Variants in TNK2 observed in about 807,000 individuals in gnomAD.
TNK2 encodes the protein activated CDC42 kinase 1.
In TNK2, 83 loss-of-function variants were observed where a neutral mutation model predicts 101.8. The ratio of observed to expected loss-of-function variants is 0.82; its 90% CI spans 0.68 to 0.98. TNK2 has a LOEUF of 0.98. Among genes scored for constraint, TNK2 ranks in the 50% least tolerant of loss-of-function variants. TNK2 has a pLI of 0.00. For missense variants in TNK2, 1,665 were observed against 1,483.2 expected (o/e 1.12, Z -2.01); for synonymous variants, 804 against 633.0 (o/e 1.27, Z -4.06).
In TNK2 at chr3:195,868,374, G is replaced by A. The variant is rs772225522; in HGVS notation, c.1924C>T (p.Arg642Cys). Residue 642 changes from arginine to cysteine, a missense_variant, in exon 13 of 16, where the codon CGC becomes TGC. This residue lies in a region of TNK2 where 1,136 missense variants were observed against 894.9 expected (regional missense o/e 1.27). Coordinates refer to ENST00000672887, the MANE Select transcript of TNK2 (RefSeq NM_001382273.1). ...TAGGCGGGCGGGGGGGGCAGCGGGC[G>A]TGCGTCCCAGTCCACCACAGGCGTG... ...HPTPVVDWDA[R>C]PLPPPPAYDD... 2.1e-5 allele frequency: 34 copies of A among 1,593,878 alleles called. No individual in the cohort carries two copies. Among genetic ancestry groups the A allele is most frequent in the South Asian group, 3.3e-5 (3 of 89,974 alleles).
chr3:195,891,878 CT>C (rs1394438114), intron 1 of TNK2: 5 of 979,462 alleles, frequency 5.1e-6, no homozygotes, highest in Non-Finnish European at 4.9e-6. Flanking sequence ...ACAGCCCGGC[CT>C]GTTCCCTCTC....
At chr3:195,873,189 G>C (rs1172462851) in intron 9 of TNK2, among the ~76,000 whole-genome samples, 1 of 152,216 alleles carries the variant, frequency 6.6e-6, no homozygotes, top group Non-Finnish European at 1.5e-5. Context: ...CTCCCACAGT[G>C]ACCAGACAGT....
chr3:195,883,943 G>A (rs1754430070), intron 4 of TNK2: 1 of 152,082 alleles, frequency 6.6e-6, no homozygotes, highest in Non-Finnish European at 1.5e-5. Context: ...CCCGGGAGAA[G>A]GATGCACTGA....
Position 195,888,526 on chromosome 3 carries a change from C to T in TNK2, c.63G>A (p.Gln21=), listed in dbSNP as rs771045180. 6.2e-7 allele frequency: 1 copy of T among 1,613,350 alleles called. No homozygotes were observed. The highest frequency in any genetic ancestry group is 8.5e-7 in the Non-Finnish European group (1 of 1,180,006). Residue 21 remains glutamine, a synonymous_variant, in exon 2 of 16, where the codon CAG becomes CAA. Transcript: ENST00000672887. This position sits in a 1 kb window ranked among gnomAD's most constrained non-coding sequence, Gnocchi z 5.3. ...GGTCATCTCGGAGCCGCAGGAAGTA[C>T]TGTTGCAGCTGCACCTCGGACAGCA... ...LELLSEVQLQ[Q]YFLRLRDDLN... is the part of the protein sequence containing the mutation.
intron 1 of TNK2, among the ~76,000 whole-genome samples, chr3:195,905,157 G>A (rs1761596737): frequency 2.0e-5 from 3 of 152,240 alleles, no homozygotes; most frequent in Admixed American, 1.3e-4. Flanking sequence ...TAGATCAATG[G>A]AACAAAACAG....
At chr3:195,891,548 G>C (rs1305798461) in intron 1 of TNK2, among the ~76,000 whole-genome samples, 1 of 152,188 alleles carries the variant, frequency 6.6e-6, no homozygotes, top group Non-Finnish European at 1.5e-5. Context: ...ACCAGGCGTC[G>C]TGGCTTTCCG....
chr3:195,879,046 C>T lies in TNK2; in HGVS notation c.1014+3G>A, dbSNP rs771545928. ...CTATGGGGGCCCGTCTCCCAGCCCT[C>T]ACCTGACTGCCGTTGAGGCCGATCC... On this transcript the variant is annotated splice_donor_region_variant and intron_variant, in intron 7 of 15. Transcript: ENST00000672887. The T allele has an allele frequency of 9.9e-6, 16 of 1,613,080 alleles. No individual in the cohort carries two copies. Among genetic ancestry groups the T allele is most frequent in the East Asian group, 6.7e-5 (3 of 44,898 alleles).
At chr3:195,880,212 C>CTGG in intron 6 of TNK2, among the ~76,000 whole-genome samples, 1 of 152,222 alleles carries the variant, frequency 6.6e-6, no homozygotes, top group East Asian at 1.9e-4. Flanking sequence ...CCAAGTACCA[C>CTGG]CCCTAGTGCA....
At chr3:195,864,462 G>C (rs547147217) in intron 15 of TNK2, among the ~76,000 whole-genome samples, 1 of 151,676 alleles carries the variant, frequency 6.6e-6, no homozygotes, top group African/African-American at 2.4e-5. Context: ...AGAACCACCC[G>C]AGACAGCGAC....
At position 195,868,253 on chromosome 3, in the gene TNK2, T is replaced by G; in HGVS notation, c.2045A>C (p.Gln682Pro). 6 of 1,604,844 alleles carry G rather than the reference T, an allele frequency of 3.7e-6. No individual in the cohort carries two copies. Among genetic ancestry groups the G allele is most frequent in the Non-Finnish European group, 5.1e-6 (6 of 1,179,504 alleles). The change falls in exon 13 of 16, where the codon CAG (glutamine) becomes CCG (proline). Residue 682 changes from glutamine (Q) to proline (P), a missense_variant. Physicochemically the swap from Gln to Pro is moderately conservative, Grantham distance 76. Around this residue, in one of 3 missense-constraint regions of TNK2, gnomAD observed 1,136 missense variants for 894.9 expected, o/e 1.27. Transcript: ENST00000672887. ...AGVPAGPSQG[Q>P]TNYAFVPEQA... ...CTCAGGCACAAAGGCGTAGTTGGTC[T>G]GGCCCTGGCTGGGCCCGGCAGGGAC...
At chr3:195,904,926 C>G (rs1577124236) in intron 1 of TNK2, among the ~76,000 whole-genome samples, 1 of 152,144 alleles carries the variant, frequency 6.6e-6, no homozygotes, top group Non-Finnish European at 1.5e-5. Context: ...CAATTCTCCC[C>G]AAATTGATCA....
chr3:195,897,343 G>A (rs1760710619), intron 1 of TNK2, among the ~76,000 whole-genome samples: 3 of 152,196 alleles, frequency 2.0e-5, no homozygotes, highest in East Asian at 1.9e-4. Context: ...GAGTGATTCA[G>A]ACACACGCCA....
Position 195,867,847 on chromosome 3 carries a change from C to T in TNK2, c.2451G>A (p.Pro817=), listed in dbSNP as rs766485742. ...PSPLVPPGSS[P]LPPRLSSSPG... ...GTGAGCTTGAGAGCCGGGGTGGCAGCGGGGAGCTGCCAGGTGGTACCAGGG... is the reference window on the plus strand; with the variant it reads ...GTGAGCTTGAGAGCCGGGGTGGCAGTGGGGAGCTGCCAGGTGGTACCAGGG... Residue 817 remains proline, a synonymous_variant, in exon 13 of 16, where the codon CCG becomes CCA. Coordinates refer to ENST00000672887, the MANE Select transcript of TNK2 (RefSeq NM_001382273.1). The T allele has an allele frequency of 7.8e-5, 119 of 1,532,532 alleles. No individual in the cohort carries two copies. Among genetic ancestry groups the T allele is most frequent in the East Asian group, 5.0e-4 (22 of 43,944 alleles). 94.9% of individuals were successfully genotyped at this position (1,532,532 alleles called of 1,614,324 possible).
At chr3:195,870,340 T>C in intron 10 of TNK2, 135 bp from the exon 11 acceptor site, 1 of 1,522,962 alleles carries the variant, frequency 6.6e-7, no homozygotes, top group South Asian at 1.1e-5. Flanking sequence ...CGCCTCCCAG[T>C]CCACAGAACC....
Position 195,867,996 on chromosome 3 carries a change from G to A in TNK2, c.2302C>T (p.His768Tyr), listed in dbSNP as rs1332469955. ...VPIPPRPTRPHVQLSPAPPGE... is the reference protein window; with the variant it reads ...VPIPPRPTRPYVQLSPAPPGE... ...GGGGGGGCTGGAGACAGCTGGACGT[G>A]TGGGCGCGTGGGCCGAGGGGGGATG... Residue 768 changes from histidine to tyrosine, a missense_variant, in exon 13 of 16, where the codon CAC (histidine) becomes TAC (tyrosine). Coordinates refer to ENST00000672887, the MANE Select transcript of TNK2 (RefSeq NM_001382273.1). 2.6e-6 allele frequency: 4 copies of A among 1,562,786 alleles called. No individual in the cohort carries two copies. The highest frequency in any genetic ancestry group is 3.4e-6 in the Non-Finnish European group (4 of 1,163,486).
chr3:195,866,067 C>G (rs1001187561), intron 15 of TNK2, among the ~76,000 whole-genome samples: 2 of 152,148 alleles, frequency 1.3e-5, no homozygotes, highest in Non-Finnish European at 2.9e-5. Context: ...TTCTTTTTGA[C>G]TTGACAGCGC....
In TNK2 at chr3:195,885,074, C is replaced by G. The variant is rs1446683511; in HGVS notation, c.235-41G>C. 1 of 1,533,000 alleles carries G rather than the reference C, an allele frequency of 6.5e-7. No individual in the cohort carries two copies. Among genetic ancestry groups the G allele is most frequent in the Admixed American group, 2.0e-5 (1 of 50,812 alleles). The allele number at this position is 1,533,000 out of a possible 1,614,324, so 95.0% of individuals were successfully genotyped here. A position where few individuals can be genotyped will look rare whatever the true frequency, so the allele number is the denominator to read the frequency against. On this transcript the variant is annotated intron_variant, in intron 3 of 15. Coordinates refer to ENST00000672887, the MANE Select transcript of TNK2 (RefSeq NM_001382273.1). This position sits in a 1 kb window ranked among gnomAD's most constrained non-coding sequence, Gnocchi z 4.7. ...CGGGGGCCAGATGGAATCCAACACCCCAGGGTCAGTCACTCAGTCCCACCC... is the reference window on the plus strand; with the variant it reads ...CGGGGGCCAGATGGAATCCAACACCGCAGGGTCAGTCACTCAGTCCCACCC...
intron 9 of TNK2, among the ~76,000 whole-genome samples, chr3:195,877,350 ACTCCACACAGCCCCCCAGGTCTC>A (rs1749985173): frequency 6.6e-6 from 1 of 151,686 alleles, no homozygotes; most frequent in Non-Finnish European, 1.5e-5. Context: ...TGCAGGTCAC[ACTCCACACAGCCCCCCAGGTCTC>A]CTCCACCCAC....
rs919982194 is a variant in TNK2, at chr3:195,882,596, G to A, written c.610-268C>T. On this transcript the variant is annotated intron_variant, in intron 5 of 15. Transcript: ENST00000672887. This position sits in a 1 kb window ranked among gnomAD's most constrained non-coding sequence, Gnocchi z 4.2. The stretch of plus-strand genomic sequence containing the variant: ...AACTCAGCTGGACGTGGTGGCTCAC[G>A]CCTGTAATCCCAGCACTTTGGGAGG... 4 of 1,389,228 alleles carry A rather than the reference G, an allele frequency of 2.9e-6. No homozygotes were observed. The highest frequency in any genetic ancestry group is 3.9e-6 in the Non-Finnish European group (4 of 1,033,802). 86.1% of individuals were successfully genotyped at this position (1,389,228 alleles called of 1,614,324 possible). A position where few individuals can be genotyped will look rare whatever the true frequency, so the allele number is the denominator to read the frequency against.
Sources: gnomAD v4.1 joint callset for allele counts (sites outside exome capture counted in the v4.1 genomes callset) on GRCh38, gnomAD v4.1.1 for gene constraint, gnomAD v4.1.1 regional missense constraint, Gnocchi (gnomAD v3.1) non-coding constraint, MANE v1.5 for transcripts, NCBI Gene and HGNC (gene_info 2026-07-23, HGNC 2026-07-21) for gene names.